TSTD1: variants seen among roughly 807,000 people sequenced by gnomAD.
TSTD1 encodes the protein thiosulfate:glutathione sulfurtransferase.
TSTD1 carries 7 observed loss-of-function variants against 12.6 expected under a neutral mutation model. That is an observed-to-expected ratio of 0.55 (90% CI 0.32 to 1.04). TSTD1 has a LOEUF of 1.04. Ranked by LOEUF, TSTD1 falls within the 50% of genes least tolerant of loss-of-function variation. TSTD1 has a pLI of 0.05. For missense variants in TSTD1, 156 were observed against 151.0 expected, an observed-to-expected ratio of 1.03 and a Z score of -0.17; for synonymous variants, 73 against 59.7, an observed-to-expected ratio of 1.22 and a Z score of -1.03.
chr1:161,038,706 G>A, intron 1 of TSTD1, 33 bp from the exon 2 acceptor site: 1 of 1,537,582 alleles, frequency 6.5e-7, no homozygotes, highest in Non-Finnish European at 8.8e-7. Flanking sequence ...TTCAGGAAGA[G>A]GGGGCCTAGG....
chr1:161,038,036 G>A lies in TSTD1; in HGVS notation c.173C>T (p.Ala58Val). The A allele has an allele frequency of 6.4e-7, 1 of 1,551,692 alleles. No individual in the cohort carries two copies. The highest frequency in any genetic ancestry group is 8.7e-7 in the Non-Finnish European group (1 of 1,147,024). Reference protein sequence around the residue: ...LESALQMEPAAFQALYSAEKP... With the variant: ...LESALQMEPAVFQALYSAEKP... ...CTCAGCAGAATATAAAGCCTGGAAG[G>A]CAGCTGGCTCCATCTGCAGAGCACT... The change falls in exon 3 of 4, where the codon GCC (alanine) becomes GTC (valine). Residue 58 changes from alanine (A) to valine (V), a missense_variant. By Grantham distance (64) the Ala-to-Val change is moderately conservative. Transcript: ENST00000423014.
At position 161,037,958 on chromosome 1, in the gene TSTD1, C is replaced by A. The variant is rs779751504; in HGVS notation, c.251G>T (p.Arg84Leu). Residue 84 changes from arginine (R) to leucine (L), a missense_variant, in exon 3 of 4, where the codon CGG becomes CTG. Transcript: ENST00000423014. ...GGCCAGCTGCGTGGCCTGGAGGCCC[C>A]GCTTGCCCATCTGACAGAAGAAAAC... is the stretch of plus-strand genomic sequence containing the variant. ...HLVFFCQMGK[R>L]GLQATQLARS... 2 of 1,551,812 alleles carry A rather than the reference C, an allele frequency of 1.3e-6. No individual in the cohort carries two copies. Among genetic ancestry groups the A allele is most frequent in the Non-Finnish European group, 8.7e-7 (1 of 1,147,020 alleles).
chr1:161,037,778 ACT>A lies in TSTD1; in HGVS notation c.343_344del (p.Ser115LeufsTer15), dbSNP rs1176198532. ...CAATCAGTAAGCTGCCTCCTGCCTA[ACT>A]CTCTTTCTCCAACCATTCTCTATAG... ...GAYREWLEKE[S>X] On this transcript the variant is annotated frameshift_variant, in exon 4 of 4. Coordinates refer to ENST00000423014, the MANE Select transcript of TSTD1 (RefSeq NM_001113207.2). LOFTEE classifies it high-confidence loss of function. 1 of 1,551,678 alleles carries A rather than the reference ACT, an allele frequency of 6.4e-7. No homozygotes were observed.
Position 161,038,540 on chromosome 1 carries a change from C to G in TSTD1, c.133+11G>C. On this transcript the variant is annotated intron_variant, in intron 2 of 3. Coordinates refer to ENST00000423014, the MANE Select transcript of TSTD1 (RefSeq NM_001113207.2). ...ATTCCACCACCTGGGCGTCCCCTCT[C>G]CACCCTATACCCGGGATGTTGAGCG... The G allele has an allele frequency of 1.3e-6, 2 of 1,529,992 alleles. No individual in the cohort carries two copies. Among genetic ancestry groups the G allele is most frequent in the Admixed American group, 2.0e-5 (1 of 49,540 alleles). The allele number at this position is 1,529,992 out of a possible 1,614,324, so 94.8% of individuals were successfully genotyped here. A position where few individuals can be genotyped will look rare whatever the true frequency, so the allele number is the denominator to read the frequency against.
At position 161,038,070 on chromosome 1, in the gene TSTD1, C is replaced by A. The variant is rs1443555359; in HGVS notation, c.139G>T (p.Glu47Ter). The change falls in exon 3 of 4, where the codon GAG (glutamate) becomes TAG (stop). Residue 47 changes from glutamate to a stop codon, truncating the protein, a stop_gained. Transcript: ENST00000423014. LOFTEE classifies it high-confidence loss of function. ...TCCATCTGCAGAGCACTCTCCAACT[C>A]GGACACTGGAGGAGTGGAGAGGGTA... ...IPGALNIPVSELESALQMEPA... is the reference protein window; with the variant it reads ...IPGALNIPVS The A allele has an allele frequency of 1.3e-6, 2 of 1,551,456 alleles. No individual in the cohort carries two copies. The highest frequency in any genetic ancestry group is 8.7e-7 in the Non-Finnish European group (1 of 1,146,982).
intron 1 of TSTD1, 50 bp downstream of exon 1, chr1:161,038,830 C>G: frequency 6.5e-7 from 1 of 1,540,400 alleles, no homozygotes; most frequent in Non-Finnish European, 8.8e-7. Context: ...TGCCACGCCT[C>G]AACCCAGAGG....
chr1:161,037,781 CTCTT>C lies in TSTD1; in HGVS notation c.338_341del (p.Lys113ArgfsTer9). The stretch of plus-strand genomic sequence containing the variant: ...TCAGTAAGCTGCCTCCTGCCTAACT[CTCTT>C]TCTCCAACCATTCTCTATAGGCTCC... On this transcript the variant is annotated frameshift_variant, in exon 4 of 4. Coordinates refer to ENST00000423014, the MANE Select transcript of TSTD1 (RefSeq NM_001113207.2). LOFTEE classifies it high-confidence loss of function. 1 of 1,551,780 alleles carries C rather than the reference CTCTT, an allele frequency of 6.4e-7. No homozygotes were observed. The highest frequency in any genetic ancestry group is 8.7e-7 in the Non-Finnish European group (1 of 1,147,016).
chr1:161,038,015 GCA>G lies in TSTD1; in HGVS notation c.192_193del (p.Ala65Ter). 1 of 1,551,694 alleles carries G rather than the reference GCA, an allele frequency of 6.4e-7. No individual in the cohort carries two copies. Among genetic ancestry groups the G allele is most frequent in the South Asian group, 1.2e-5 (1 of 84,066 alleles). On this transcript the variant is annotated frameshift_variant, in exon 3 of 4. Transcript: ENST00000423014. LOFTEE classifies it high-confidence loss of function. ...CTCATCTTCCAGCTTTGGCTTCTCA[GCA>G]GAATATAAAGCCTGGAAGGCAGCTG...
At position 161,038,931 on chromosome 1, in the gene TSTD1, C is replaced by T; in HGVS notation, c.-42G>A. The T allele has an allele frequency of 6.5e-7, 1 of 1,548,314 alleles. No individual in the cohort carries two copies. The highest frequency in any genetic ancestry group is 8.7e-7 in the Non-Finnish European group (1 of 1,144,446). ...GCGAGTCTCCGGAGTGCGGCCCTGG[C>T]CCGCCCTCTCGGCGCCTGCAACATC... On this transcript the variant is annotated 5_prime_UTR_variant, in exon 1 of 4. Coordinates refer to ENST00000423014, the MANE Select transcript of TSTD1 (RefSeq NM_001113207.2).
intron 2 of TSTD1, 106 bp from the exon 3 acceptor site, chr1:161,038,181 T>G: frequency 9.3e-7 from 1 of 1,080,392 alleles, no homozygotes; most frequent in Non-Finnish European, 1.3e-6. Flanking sequence ...CAACATATGA[T>G]AACCATCCCC....
At position 161,038,855 on chromosome 1, in the gene TSTD1, G is replaced by A. The variant is rs777895301; in HGVS notation, c.10+25C>T. 5 of 1,548,598 alleles carry A rather than the reference G, an allele frequency of 3.2e-6. No homozygotes were observed. In the Middle Eastern group the frequency reaches 8.4e-4, roughly 259 times the overall value. On this transcript the variant is annotated intron_variant, in intron 1 of 3. Transcript: ENST00000423014. Reference sequence around the variant, plus strand: ...CAACCCAGAGGACCAAGAGAACCGCGGCCCCAGGAATCCCCCGCAGGTACC... The same window carrying A: ...CAACCCAGAGGACCAAGAGAACCGCAGCCCCAGGAATCCCCCGCAGGTACC...
chr1:161,038,727 G>A (rs1418108943), intron 1 of TSTD1, 54 bp from the exon 2 acceptor site: 1 of 1,524,306 alleles, frequency 6.6e-7, no homozygotes, highest in South Asian at 1.2e-5. Flanking sequence ...AGTCACGGCC[G>A]CCATGGCATC....
chr1:161,038,722 C>T (rs1032893942), intron 1 of TSTD1, 49 bp from the exon 2 acceptor site: 6 of 1,526,118 alleles, frequency 3.9e-6, no homozygotes, highest in Admixed American at 4.0e-5. Context: ...CTAGGAGTCA[C>T]GGCCGCCATG....
At position 161,038,877 on chromosome 1, in the gene TSTD1, T is replaced by C; in HGVS notation, c.10+3A>G. The C allele has an allele frequency of 6.5e-7, 1 of 1,550,002 alleles. No homozygotes were observed. The highest frequency in any genetic ancestry group is 1.4e-5 in the African/African-American group (1 of 73,028). On this transcript the variant is annotated splice_donor_region_variant and intron_variant, in intron 1 of 3. Coordinates refer to ENST00000423014, the MANE Select transcript of TSTD1 (RefSeq NM_001113207.2). ...CGCGGCCCCAGGAATCCCCCGCAGG[T>C]ACCTCCAGCCATGGTGCGCGTAGCA...
At position 161,037,729 on chromosome 1, in the gene TSTD1, G is replaced by A. The variant is rs1034518294; in HGVS notation, c.*46C>T. On this transcript the variant is annotated 3_prime_UTR_variant, in exon 4 of 4. Transcript: ENST00000423014. Reference sequence around the variant, plus strand: ...GCCCGTTCACACCCTTAGTTAAGGTGGCCATTAAGGGGCCAGGGGGTGGCA... The same window carrying A: ...GCCCGTTCACACCCTTAGTTAAGGTAGCCATTAAGGGGCCAGGGGGTGGCA... 3.9e-6 allele frequency: 6 copies of A among 1,547,758 alleles called. No homozygotes were observed. In the African/African-American group the frequency reaches 6.9e-5, roughly 18 times the overall value.
intron 2 of TSTD1, 130 bp from the exon 3 acceptor site, chr1:161,038,205 A>C: frequency 1.1e-6 from 1 of 922,790 alleles, no homozygotes; most frequent in Non-Finnish European, 1.6e-6. Context: ...CCCCACCCCA[A>C]TTTCAAGGAA....
At chr1:161,038,792 C>A in intron 1 of TSTD1, 88 bp downstream of exon 1, 2 of 1,522,262 alleles carry the variant, frequency 1.3e-6, no homozygotes, top group Non-Finnish European at 1.8e-6. Flanking sequence ...CCCTCAGCCA[C>A]GCCCCTTCGC....
chr1:161,038,392 C>G (rs1293498279), intron 2 of TSTD1, 159 bp downstream of exon 2: 1 of 905,376 alleles, frequency 1.1e-6, no homozygotes, highest in East Asian at 2.7e-5. Context: ...ATCCGCCCCC[C>G]ATCAGTCCTT....
In TSTD1 at chr1:161,038,576, G is replaced by A. The variant is rs1650331816; in HGVS notation, c.108C>T (p.Thr36=). 5.8e-6 allele frequency: 9 copies of A among 1,549,654 alleles called. No individual in the cohort carries two copies. The highest frequency in any genetic ancestry group is 2.0e-5 in the Admixed American group (1 of 50,960). ...VRSREEAAAG[T]IPGALNIPVS... is the part of the protein sequence containing the mutation. ...CCGGGATGTTGAGCGCCCCTGGGATGGTCCCAGCTGCCGCCTCCTCGCGAG... is the reference window on the plus strand; with the variant it reads ...CCGGGATGTTGAGCGCCCCTGGGATAGTCCCAGCTGCCGCCTCCTCGCGAG... Residue 36 remains threonine, a synonymous_variant, in exon 2 of 4, where the codon ACC becomes ACT. Coordinates refer to ENST00000423014, the MANE Select transcript of TSTD1 (RefSeq NM_001113207.2).
Sources: gnomAD v4.1 joint callset for allele counts on GRCh38, gnomAD v4.1.1 for gene constraint, MANE v1.5 for transcripts, NCBI Gene and HGNC (gene_info 2026-07-23, HGNC 2026-07-21) for gene names.